The following MGLL variants were observed in gnomAD, a reference collection of about 807,000 sequenced individuals.
MGLL encodes lysophospholipase homolog.
A neutral mutation model predicts 29.1 loss-of-function variants in MGLL; 7 were observed. The ratio of observed to expected loss-of-function variants is 0.24; its 90% CI spans 0.14 to 0.45. The LOEUF is 0.45. Ranked by LOEUF, MGLL falls within the 20% of genes least tolerant of loss-of-function variation. The probability of loss-of-function intolerance (pLI) is 0.99; values close to 1 mark genes in which losing one functional copy is unlikely to be tolerated. For synonymous variants in MGLL, 148 were observed against 168.3 expected (o/e 0.88, Z 0.93); for missense variants, 356 against 413.6 (o/e 0.86, Z 1.21).
At position 127,822,499 on chromosome 3, in the gene MGLL, C is replaced by G; in HGVS notation, c.-181G>C. On this transcript the variant is annotated 5_prime_UTR_variant, in exon 1 of 8. Transcript: ENST00000265052. ...TCAGCCGGGAGCCTGCTTCCAGCTC[C>G]CACCGGCAGGCTCTCCGGGGCTCCC... 1.5e-6 allele frequency: 1 copy of G among 646,972 alleles called. No individual in the cohort carries two copies. Among genetic ancestry groups the G allele is most frequent in the South Asian group, 1.8e-5 (1 of 56,520 alleles). 40.1% of individuals were successfully genotyped at this position (646,972 alleles called of 1,614,324 possible). A position where few individuals can be genotyped will look rare whatever the true frequency, so the allele number is the denominator to read the frequency against.
intron 3 of MGLL, among the ~76,000 whole-genome samples, chr3:127,734,689 A>G (rs1254943077): frequency 6.6e-6 from 1 of 152,248 alleles, no homozygotes; most frequent in Non-Finnish European, 1.5e-5. Context: ...CCCCAGGTGA[A>G]GAGATCCAAG....
chr3:127,728,467 GTCTATT>G (rs1354526840), intron 3 of MGLL, among the ~76,000 whole-genome samples: 12 of 152,192 alleles, frequency 7.9e-5, no homozygotes, highest in Admixed American at 3.3e-4. Context: ...AAACAGTCTT[GTCTATT>G]TCTGGATTTC....
chr3:127,758,833 T>C (rs1336631460), intron 3 of MGLL, among the ~76,000 whole-genome samples: 2 of 152,194 alleles, frequency 1.3e-5, no homozygotes, highest in African/African-American at 4.8e-5. Flanking sequence ...GTGCACTGGC[T>C]GTAAGTTGTA....
chr3:127,725,874 T>C (rs1012373142), intron 3 of MGLL, among the ~76,000 whole-genome samples: 1 of 152,022 alleles, frequency 6.6e-6, no homozygotes, highest in African/African-American at 2.4e-5. Context: ...ACAATTGGCC[T>C]GGGCAATATA....
At chr3:127,754,725 G>A (rs2076628558) in intron 3 of MGLL, among the ~76,000 whole-genome samples, 7 of 152,192 alleles carry the variant, frequency 4.6e-5, no homozygotes. Context: ...AGAAAGCGTA[G>A]GCTTCACGCT....
rs1160238451 is a variant in MGLL, at chr3:127,726,197, A to AG, written c.263-3632dup. ...GAAAGAAAGAAAGAAAAGAAAAGAA[A>AG]GAAAGAAAGACAGAAGGAAGGAAAG... On this transcript the variant is annotated intron_variant, in intron 3 of 7. Transcript: ENST00000265052. Among the ~76,000 whole-genome samples the AG allele has an allele frequency of 1.2e-4, 17 of 136,358 alleles. 1 individual carries two copies. Among genetic ancestry groups the AG allele is most frequent in the Admixed American group, 5.0e-4 (7 of 13,980 alleles). The allele number at this position is 136,358 out of a possible 152,430, so 89.5% of individuals were successfully genotyped here. A position where few individuals can be genotyped will look rare whatever the true frequency, so the allele number is the denominator to read the frequency against.
chr3:127,708,660 G>A (rs2075650570), intron 6 of MGLL, among the ~76,000 whole-genome samples: 1 of 152,180 alleles, frequency 6.6e-6, no homozygotes, highest in South Asian at 2.1e-4. Context: ...CTTAAAGGGA[G>A]GCCCCTCCCT....
intron 3 of MGLL, among the ~76,000 whole-genome samples, chr3:127,767,573 A>G (rs1482868731): frequency 6.6e-6 from 1 of 152,234 alleles, no homozygotes; most frequent in East Asian, 1.9e-4. Context: ...TCTTTTTTGA[A>G]TGAGTGAATG....
At chr3:127,703,886 C>A (rs1174769802) in intron 6 of MGLL, among the ~76,000 whole-genome samples, 2 of 152,220 alleles carry the variant, frequency 1.3e-5, no homozygotes, top group East Asian at 3.9e-4. Flanking sequence ...AACAAACAAC[C>A]CAATTAGGAA....
At chr3:127,782,616 G>T (rs1363123991) in intron 2 of MGLL, among the ~76,000 whole-genome samples, 2 of 152,194 alleles carry the variant, frequency 1.3e-5, no homozygotes, top group African/African-American at 2.4e-5. Flanking sequence ...GCAGCATTTA[G>T]ATTCCAAACT....
At chr3:127,747,136 C>A (rs985130136) in intron 3 of MGLL, among the ~76,000 whole-genome samples, 3 of 152,214 alleles carry the variant, frequency 2.0e-5, no homozygotes, top group Admixed American at 2.0e-4. Flanking sequence ...GCCCCCTCTT[C>A]AGTACCTGCT....
At chr3:127,780,974 A>G (rs1576281436) in intron 3 of MGLL, among the ~76,000 whole-genome samples, 1 of 152,266 alleles carries the variant, frequency 6.6e-6, no homozygotes, top group East Asian at 1.9e-4. Context: ...TGTTGCAAAC[A>G]TGATTACAAA....
At chr3:127,802,114 T>C (rs573353954) in intron 2 of MGLL, among the ~76,000 whole-genome samples, 1 of 152,158 alleles carries the variant, frequency 6.6e-6, no homozygotes, top group East Asian at 1.9e-4. Flanking sequence ...CCAGGCCGGG[T>C]TGGGCACCCT....
chr3:127,778,990 A>T (rs1295617731), intron 3 of MGLL, among the ~76,000 whole-genome samples: 1 of 152,130 alleles, frequency 6.6e-6, no homozygotes. Flanking sequence ...CCTGGCCTCA[A>T]GCGATCCTCC....
At chr3:127,810,304 G>A (rs1487009227) in intron 2 of MGLL, among the ~76,000 whole-genome samples, 3 of 151,798 alleles carry the variant, frequency 2.0e-5, no homozygotes, top group Non-Finnish European at 3.0e-5. Context: ...TTTTGTTATA[G>A]TGGTCCCAGC....
intron 5 of MGLL, among the ~76,000 whole-genome samples, chr3:127,718,203 C>G (rs1297871256): frequency 6.6e-6 from 1 of 152,192 alleles, no homozygotes; most frequent in Non-Finnish European, 1.5e-5. Context: ...TACTCACAGA[C>G]TGGGCATCTC....
At chr3:127,743,045 C>A (rs1485587391) in intron 3 of MGLL, among the ~76,000 whole-genome samples, 1 of 152,222 alleles carries the variant, frequency 6.6e-6, no homozygotes. Context: ...GAACTCCTGA[C>A]CTCAGGTGAT....
chr3:127,690,379 G>C lies in MGLL; in HGVS notation c.*1819C>G, dbSNP rs890932974. 1 of 152,244 alleles carries C rather than the reference G, an allele frequency of 6.6e-6. No homozygotes were observed. The highest frequency in any genetic ancestry group is 2.4e-5 in the African/African-American group (1 of 41,452). 9.4% of individuals were successfully genotyped at this position (152,244 alleles called of 1,614,324 possible). A position where few individuals can be genotyped will look rare whatever the true frequency, so the allele number is the denominator to read the frequency against. On this transcript the variant is annotated 3_prime_UTR_variant, in exon 8 of 8. Coordinates refer to ENST00000265052, the MANE Select transcript of MGLL (RefSeq NM_007283.7). Reference sequence around the variant, plus strand: ...CAAGCCCCCACCTGCCCCTTGTGGGGTGAGGGCTTGGCTCCTCCCCCAGGG... The same window carrying C: ...CAAGCCCCCACCTGCCCCTTGTGGGCTGAGGGCTTGGCTCCTCCCCCAGGG...
In MGLL at chr3:127,694,982, G is replaced by A. The variant is rs2075329437; in HGVS notation, c.809C>T (p.Thr270Ile). 1 of 1,613,854 alleles carries A rather than the reference G, an allele frequency of 6.2e-7. No homozygotes were observed. Among genetic ancestry groups the A allele is most frequent in the East Asian group, 2.2e-5 (1 of 44,860 alleles). ...LMELAKSQDK[T>I]LKIYEGAYHV... ...CAAGTGGCAGCCGCTCACCTTGAGA[G>A]TCTTGTCCTGGCTCTTGGCTAACTC... Residue 270 changes from threonine (T) to isoleucine (I), a missense_variant, in exon 7 of 8, where the codon ACT becomes ATT. By Grantham distance (89) the Thr-to-Ile change is moderately conservative. Transcript: ENST00000265052.
Sources: gnomAD v4.1 joint callset for allele counts (sites outside exome capture counted in the v4.1 genomes callset) on GRCh38, gnomAD v4.1.1 for gene constraint, MANE v1.5 for transcripts, NCBI Gene and HGNC (gene_info 2026-07-23, HGNC 2026-07-21) for gene names.